Variants in LARGE1 observed in about 807,000 individuals in gnomAD.
LARGE1 encodes the protein LARGE xylosyl- and glucuronyltransferase 1.
In LARGE1, 43 loss-of-function variants were observed where a neutral mutation model predicts 87.6. That is an observed-to-expected ratio of 0.49 (90% CI 0.38 to 0.63). The LOEUF (loss-of-function observed/expected upper bound fraction) is 0.63, where lower values mean the gene tolerates loss of function less well. Ranked by LOEUF, LARGE1 falls within the 30% of genes least tolerant of loss-of-function variation. LARGE1 has a pLI of 0.00. For synonymous variants in LARGE1, 434 were observed against 394.6 expected, an observed-to-expected ratio of 1.10 and a Z score of -1.18; for missense variants, 802 against 1,000.2, an observed-to-expected ratio of 0.80 and a Z score of 2.67.
chr22:33,424,048 G>A (rs2066787419), intron 7 of LARGE1, among the ~76,000 whole-genome samples: 1 of 152,138 alleles, frequency 6.6e-6, no homozygotes, highest in African/African-American at 2.4e-5. Context: ...GGCAGTAAAA[G>A]TACATCATCA....
At chr22:33,865,851 T>TC in intron 1 of LARGE1, among the ~76,000 whole-genome samples, 1 of 114,256 alleles carries the variant, frequency 8.8e-6, no homozygotes, top group Non-Finnish European at 1.7e-5. Flanking sequence ...TTTTTTTTTT[T>TC]TTTTTTTTTT....
At chr22:33,627,908 C>T (rs2079972179) in intron 3 of LARGE1, among the ~76,000 whole-genome samples, 1 of 152,188 alleles carries the variant, frequency 6.6e-6, no homozygotes. Flanking sequence ...CTCTACCGCT[C>T]CTCTTCCTCT....
At chr22:33,307,078 C>T (rs1393002587) in intron 11 of LARGE1, among the ~76,000 whole-genome samples, 1 of 152,108 alleles carries the variant, frequency 6.6e-6, no homozygotes, top group Non-Finnish European at 1.5e-5. Flanking sequence ...AACTTTTCTG[C>T]CAGGACCTGA....
intron 11 of LARGE1, among the ~76,000 whole-genome samples, chr22:33,216,461 T>C (rs1030913788): frequency 3.3e-5 from 5 of 152,088 alleles, no homozygotes; most frequent in African/African-American, 1.2e-4. Flanking sequence ...ACCCCATCTC[T>C]ACTGCAAATA....
intron 1 of LARGE1, among the ~76,000 whole-genome samples, chr22:33,780,898 GA>G (rs1354411958): frequency 1.3e-4 from 20 of 152,328 alleles, no homozygotes; most frequent in Admixed American, 1.2e-3. Flanking sequence ...ACATTAGACA[GA>G]TGTAGCACAT....
intron 2 of LARGE1, among the ~76,000 whole-genome samples, chr22:33,683,582 T>C (rs1001239435): frequency 2.0e-5 from 3 of 151,806 alleles, no homozygotes; most frequent in South Asian, 2.1e-4. Context: ...GACAGACAGA[T>C]GATAGGTAGA....
chr22:33,210,616 C>A (rs983066844), intron 11 of LARGE1, among the ~76,000 whole-genome samples: 3 of 152,272 alleles, frequency 2.0e-5, no homozygotes, highest in African/African-American at 7.2e-5. Context: ...AAGTCACCGG[C>A]AGACGTGGCC....
intron 6 of LARGE1, among the ~76,000 whole-genome samples, chr22:33,527,873 G>A (rs2071992727): frequency 6.6e-6 from 1 of 152,198 alleles, no homozygotes; most frequent in Non-Finnish European, 1.5e-5. Flanking sequence ...GCTGGCTGTA[G>A]GCAGAGGTGG....
chr22:33,438,090 A>G (rs572628143), intron 6 of LARGE1, among the ~76,000 whole-genome samples: 14 of 152,134 alleles, frequency 9.2e-5, no homozygotes, highest in Middle Eastern at 3.2e-3. Flanking sequence ...AGCATGGATG[A>G]TACAGGTGAT....
chr22:33,740,605 T>C (rs116515603), intron 2 of LARGE1, among the ~76,000 whole-genome samples: 2,020 of 152,274 alleles, frequency 0.013, 46 homozygotes, highest in African/African-American at 0.046. Flanking sequence ...TTAATAAATA[T>C]GTGCTCGGTA....
intron 2 of LARGE1, among the ~76,000 whole-genome samples, chr22:33,749,893 G>A (rs2084248434): frequency 6.6e-6 from 1 of 152,076 alleles, no homozygotes; most frequent in Admixed American, 6.6e-5. Flanking sequence ...AAGTTCTTCA[G>A]TGACTGCAGA....
intron 11 of LARGE1, among the ~76,000 whole-genome samples, chr22:33,209,940 C>CGCCCG (rs1320674353): frequency 2.6e-5 from 4 of 152,214 alleles, no homozygotes; most frequent in African/African-American, 9.6e-5. Flanking sequence ...TGAGCCACCA[C>CGCCCG]GCCCGGCTGT....
intron 10 of LARGE1, among the ~76,000 whole-genome samples, chr22:33,327,341 A>G (rs1239661420): frequency 6.6e-6 from 1 of 152,162 alleles, no homozygotes. Flanking sequence ...TCTTCATTTC[A>G]GAGGTGAGGC....
intron 6 of LARGE1, among the ~76,000 whole-genome samples, chr22:33,497,071 C>CTTTTTTT (rs5845088): frequency 6.0e-5 from 8 of 133,936 alleles, no homozygotes; most frequent in African/African-American, 1.1e-4. Context: ...CTTTTCTTTT[C>CTTTTTTT]TTTTTTTTTT....
rs191165297 is a variant in LARGE1, at chr22:33,783,877, G to A, written c.-82-22319C>T. Among the ~76,000 whole-genome samples the A allele has an allele frequency of 1.3e-3, 196 of 152,240 alleles. 1 individual carries two copies. Among genetic ancestry groups the A allele is most frequent in the South Asian group, 7.5e-3 (36 of 4,814 alleles). ...ACTGGAAGTAGTGGAAGTAGTGGGC[G>A]GTAGAGGGAGATTAGAGTGGTCTTT... is the stretch of plus-strand genomic sequence containing the variant. On this transcript the variant is annotated intron_variant, in intron 1 of 14. Transcript: ENST00000397394.
At chr22:33,734,332 G>T (rs1235617938) in intron 2 of LARGE1, among the ~76,000 whole-genome samples, 3 of 152,190 alleles carry the variant, frequency 2.0e-5, no homozygotes, top group South Asian at 2.1e-4. Flanking sequence ...GTTGGATCTT[G>T]AAAGACGAAC....
intron 1 of LARGE1, among the ~76,000 whole-genome samples, chr22:33,820,038 G>A (rs1479490668): frequency 6.6e-6 from 1 of 152,138 alleles, no homozygotes; most frequent in Non-Finnish European, 1.5e-5. Context: ...GTCACTGTGT[G>A]GAGCAGAGAC....
intron 9 of LARGE1, among the ~76,000 whole-genome samples, chr22:33,363,542 C>T (rs1033637640): frequency 6.0e-5 from 9 of 149,540 alleles, no homozygotes; most frequent in Non-Finnish European, 8.9e-5. Flanking sequence ...CCTCCCACAA[C>T]ACATGGGGAT....
chr22:33,411,054 T>C (rs991048352), intron 7 of LARGE1, among the ~76,000 whole-genome samples: 5 of 152,218 alleles, frequency 3.3e-5, no homozygotes, highest in African/African-American at 9.7e-5. Context: ...CTTTCCCTTC[T>C]ACTGCACACT....
Sources: allele counts gnomAD v4.1 joint callset (sites outside exome capture counted in the v4.1 genomes callset), GRCh38; gene constraint gnomAD v4.1.1; transcripts MANE v1.5; gene names NCBI Gene and HGNC (gene_info 2026-07-23, HGNC 2026-07-21).